NUP205: variants seen among roughly 807,000 people sequenced by gnomAD.
NUP205 encodes the protein nucleoporin 205.
NUP205 carries 76 observed loss-of-function variants against 253.8 expected under a neutral mutation model. The observed-to-expected ratio is 0.30, with a 90% CI of 0.25 to 0.36. The LOEUF is 0.36. NUP205 is among the 10% of genes least tolerant of loss of function. NUP205 has a pLI of 1.00. For missense variants in NUP205, 2,162 were observed against 2,425.5 expected (o/e 0.89, Z 2.28); for synonymous variants, 832 against 850.1 (o/e 0.98, Z 0.37).
intron 1 of NUP205, among the ~76,000 whole-genome samples, chr7:135,563,977 C>A (rs1434070110): frequency 6.6e-6 from 1 of 151,872 alleles, no homozygotes; most frequent in Admixed American, 6.6e-5. Context: ...GACAGCAAGA[C>A]CCTGTCACAA....
Position 135,616,658 on chromosome 7 carries a change from G to T in NUP205, c.3464G>T (p.Gly1155Val). The T allele has an allele frequency of 6.5e-7, 1 of 1,545,932 alleles. No homozygotes were observed. Reference sequence around the variant, plus strand: ...AATATTATTGATATTCCAACAGATGGTGAAGGAGGAATAGAAGATGAAAAC... The same window carrying T: ...AATATTATTGATATTCCAACAGATGTTGAAGGAGGAATAGAAGATGAAAAC... ...DDMPVKPYSD[G>V]EGGIEDENRS... is the part of the protein sequence containing the mutation. The change falls in exon 25 of 43, where the codon GGT becomes GTT. Residue 1155 changes from glycine (G) to valine (V), a missense_variant. Coordinates refer to ENST00000285968, the MANE Select transcript of NUP205 (RefSeq NM_015135.3).
intron 42 of NUP205, among the ~76,000 whole-genome samples, 157 bp downstream of exon 42, chr7:135,646,388 C>G (rs776697492): frequency 6.6e-6 from 1 of 151,682 alleles, no homozygotes; most frequent in Non-Finnish European, 1.5e-5. Context: ...CATAGTGAGA[C>G]CCCGTCTCTT....
At chr7:135,618,048 A>G (rs1429799109) in intron 27 of NUP205, among the ~76,000 whole-genome samples, 1 of 151,950 alleles carries the variant, frequency 6.6e-6, no homozygotes, top group Non-Finnish European at 1.5e-5. Flanking sequence ...GGCCAGGCCA[A>G]AGCAAGAGGC....
chr7:135,576,224 A>G (rs1259670046), intron 3 of NUP205, 46 bp from the exon 4 acceptor site: 2 of 1,551,010 alleles, frequency 1.3e-6, no homozygotes, highest in East Asian at 2.3e-5. Flanking sequence ...CCTCCTAAAC[A>G]CATACGTGTT....
rs748213345 is a variant in NUP205 at position 135,622,805 on chromosome 7, A to G, written c.4359A>G (p.Thr1453=). Residue 1453 remains threonine, a synonymous_variant, in exon 31 of 43, where the codon ACA becomes ACG. Coordinates refer to ENST00000285968, the MANE Select transcript of NUP205 (RefSeq NM_015135.3). ...AGAAAACCATGTGGGAAAGGCTGACAGCCCCTGAAGATGTATTTAGCAAAT... is the reference window on the plus strand; with the variant it reads ...AGAAAACCATGTGGGAAAGGCTGACGGCCCCTGAAGATGTATTTAGCAAAT... ...AAKKTMWERL[T]APEDVFSKLQ... 15 of 1,613,922 alleles carry G rather than the reference A, an allele frequency of 9.3e-6. No homozygotes were observed. The highest frequency in any genetic ancestry group is 1.3e-5 in the African/African-American group (1 of 74,896).
At position 135,588,324 on chromosome 7, in the gene NUP205, A is replaced by G. The variant is rs867723938; in HGVS notation, c.1473+332A>G. On this transcript the variant is annotated intron_variant, in intron 10 of 42. Transcript: ENST00000285968. ...CCCGGCTAGTTTTTGTATTTTTTGT[A>G]GAGATGGGGTTTTGCCATGATACCC... 1.5e-4 allele frequency among the ~76,000 whole-genome samples: 23 copies of G among 150,750 alleles called. 1 individual carries two copies. The highest frequency in any genetic ancestry group is 1.0e-3 in the Admixed American group (15 of 15,054).
At chr7:135,604,141 T>C (rs542584205) in intron 18 of NUP205, among the ~76,000 whole-genome samples, 199 bp from the exon 19 acceptor site, 1 of 152,350 alleles carries the variant, frequency 6.6e-6, no homozygotes, top group South Asian at 2.1e-4. Flanking sequence ...TTAGCCAGAC[T>C]TCACATAAGG....
In NUP205 at chr7:135,576,280, A is replaced by G. The variant is rs1584643401; in HGVS notation, c.354A>G (p.Gln118=). ...AACTTCCTTTTTTAGGAGAGCATCA[A>G]CAGCCACATTTTCCTGGCCTTACCA... ...AVELLLAGEH[Q]QPHFPGLTRG... is the part of the protein sequence containing the mutation. Residue 118 remains glutamine, a synonymous_variant, in exon 4 of 43, where the codon CAA becomes CAG. Transcript: ENST00000285968. The G allele has an allele frequency of 6.2e-7, 1 of 1,613,152 alleles. No individual in the cohort carries two copies. The highest frequency in any genetic ancestry group is 1.1e-5 in the South Asian group (1 of 90,916).
rs772009606 is a variant in NUP205 at position 135,648,590 on chromosome 7, G to T, written c.*34G>T. On this transcript the variant is annotated 3_prime_UTR_variant, in exon 43 of 43. Transcript: ENST00000285968. ...GCTTATGCTCTTCTATGAGAGAGATGAATTGGGGAGAATTGTCTCCATTTT... is the reference window on the plus strand; with the variant it reads ...GCTTATGCTCTTCTATGAGAGAGATTAATTGGGGAGAATTGTCTCCATTTT... 6 of 1,396,504 alleles carry T rather than the reference G, an allele frequency of 4.3e-6. No individual in the cohort carries two copies. The highest frequency in any genetic ancestry group is 5.7e-6 in the Non-Finnish European group (6 of 1,058,616). 86.5% of individuals were successfully genotyped at this position (1,396,504 alleles called of 1,614,324 possible). A position where few individuals can be genotyped will look rare whatever the true frequency, so the allele number is the denominator to read the frequency against.
intron 36 of NUP205, among the ~76,000 whole-genome samples, chr7:135,637,643 C>A (rs1241480556): frequency 6.6e-6 from 1 of 152,010 alleles, no homozygotes; most frequent in African/African-American, 2.4e-5. Flanking sequence ...AGAATTAATA[C>A]CTACTTTGAT....
chr7:135,611,539 C>T (rs1345965584), intron 22 of NUP205, among the ~76,000 whole-genome samples: 1 of 152,102 alleles, frequency 6.6e-6, no homozygotes, highest in Non-Finnish European at 1.5e-5. Flanking sequence ...TGTGTATATA[C>T]ATTGTTTATA....
Position 135,587,928 on chromosome 7 carries a change from T to C in NUP205, c.1409T>C (p.Leu470Pro). The part of the protein sequence containing the change: ...ALEYWCPTEP[L>P]QTPTIMGSYL... ...GAATATTGGTGTCCCACAGAGCCTC[T>C]TCAGACTCCGACTATCATGGGCTCT... is the stretch of plus-strand genomic sequence containing the variant. Residue 470 changes from leucine (L) to proline (P), a missense_variant, in exon 10 of 43, where the codon CTT becomes CCT. Transcript: ENST00000285968. 1.9e-6 allele frequency: 3 copies of C among 1,614,062 alleles called. No homozygotes were observed. Among genetic ancestry groups the C allele is most frequent in the Non-Finnish European group, 1.7e-6 (2 of 1,179,942 alleles).
chr7:135,567,621 T>A (rs1010769911), intron 1 of NUP205, among the ~76,000 whole-genome samples: 21 of 150,408 alleles, frequency 1.4e-4, no homozygotes, highest in Admixed American at 1.3e-3. Flanking sequence ...AAAAAAAAAA[T>A]GTTTTTAAAT....
intron 19 of NUP205, 88 bp from the exon 20 acceptor site, chr7:135,606,057 G>T: frequency 1.1e-6 from 1 of 873,554 alleles, no homozygotes. Context: ...TTTCCTTATG[G>T]ATGAATATTT....
chr7:135,579,474 C>T (rs529780706), intron 7 of NUP205, among the ~76,000 whole-genome samples: 4 of 152,102 alleles, frequency 2.6e-5, no homozygotes, highest in Admixed American at 1.3e-4. Flanking sequence ...GATTGCAACA[C>T]GTGAGCCACC....
rs1233198481 is a variant in NUP205, at chr7:135,592,992, A to T, written c.1630A>T (p.Asn544Tyr). ...TGTGCTGTTTTTCTTTATAGTTGAAAATATTCAGGGAGCAGGTGGCAGTCC... is the reference window on the plus strand; with the variant it reads ...TGTGCTGTTTTTCTTTATAGTTGAATATATTCAGGGAGCAGGTGGCAGTCC... ...LKVNGSSHVE[N>Y]IQGAGGSPVS... is the part of the protein sequence containing the mutation. The change falls in exon 12 of 43, where the codon AAT (asparagine) becomes TAT (tyrosine). Residue 544 changes from asparagine (N) to tyrosine (Y), a missense_variant. Asn to Tyr is a moderately radical substitution (Grantham distance 143). Transcript: ENST00000285968. 1.6e-5 allele frequency: 26 copies of T among 1,610,510 alleles called. No homozygotes were observed. The highest frequency in any genetic ancestry group is 2.0e-5 in the Non-Finnish European group (24 of 1,177,118).
At chr7:135,608,316 G>T (rs982881622) in intron 22 of NUP205, among the ~76,000 whole-genome samples, 2 of 152,036 alleles carry the variant, frequency 1.3e-5, no homozygotes, top group African/African-American at 4.8e-5. Context: ...GAGCCACCGC[G>T]CCTGGCCAGA....
chr7:135,623,692 AT>A (rs1280495980), intron 31 of NUP205, among the ~76,000 whole-genome samples: 1 of 152,258 alleles, frequency 6.6e-6, no homozygotes, highest in East Asian at 1.9e-4. Flanking sequence ...TAGCAAAATT[AT>A]GTAGCAATTA....
chr7:135,606,747 T>G lies in NUP205; in HGVS notation c.2906-4T>G. The G allele has an allele frequency of 6.2e-7, 1 of 1,611,976 alleles. No individual in the cohort carries two copies. The highest frequency in any genetic ancestry group is 8.5e-7 in the Non-Finnish European group (1 of 1,178,448). On this transcript the variant is annotated splice_region_variant and splice_polypyrimidine_tract_variant and intron_variant, in intron 20 of 42. Transcript: ENST00000285968. Reference sequence around the variant, plus strand: ...TAATTTTGTTTTGTGATTTCTGCATTAAGGATCAGAACTTGAAAAGAAATT... The same window carrying G: ...TAATTTTGTTTTGTGATTTCTGCATGAAGGATCAGAACTTGAAAAGAAATT...
Sources: gnomAD v4.1 joint callset for allele counts (sites outside exome capture counted in the v4.1 genomes callset) on GRCh38, gnomAD v4.1.1 for gene constraint, MANE v1.5 for transcripts, NCBI Gene and HGNC (gene_info 2026-07-23, HGNC 2026-07-21) for gene names.